The following RORA variants were observed in gnomAD, a reference collection of about 807,000 sequenced individuals.
RORA encodes RAR related orphan receptor A, also known as nuclear receptor ROR-alpha.
A neutral mutation model predicts 69.5 loss-of-function variants in RORA; 7 were observed. The observed-to-expected ratio is 0.10, with a 90% confidence interval of 0.06 to 0.19. The LOEUF is 0.19. Among genes scored for constraint, RORA ranks in the 10% least tolerant of loss-of-function variants. RORA has a pLI of 1.00. For missense variants in RORA, 457 were observed against 663.0 expected (o/e 0.69, Z 3.41); for synonymous variants, 261 against 240.8 (o/e 1.08, Z -0.78).
intron 1 of RORA, 90 bp from the exon 2 acceptor site, chr15:60,678,776 G>T: frequency 9.0e-7 from 1 of 1,107,660 alleles, no homozygotes; most frequent in Non-Finnish European, 1.4e-6. Context: ...TCAGGAAGGC[G>T]TTTAGTTCAG....
intron 1 of RORA, among the ~76,000 whole-genome samples, chr15:61,201,375 A>G (rs1158577085): frequency 6.6e-6 from 1 of 152,212 alleles, no homozygotes; most frequent in Non-Finnish European, 1.5e-5. Context: ...CAAACAAACC[A>G]CTAAGACATA....
At chr15:60,706,206 T>A (rs2071060685) in intron 1 of RORA, 1 of 152,120 alleles carries the variant, frequency 6.6e-6, no homozygotes, top group Non-Finnish European at 1.5e-5. Flanking sequence ...TTTTAGTAGG[T>A]TTGCCAGTGA....
intron 1 of RORA, among the ~76,000 whole-genome samples, chr15:60,709,266 C>T (rs2071110443): frequency 6.6e-6 from 1 of 152,160 alleles, no homozygotes; most frequent in Non-Finnish European, 1.5e-5. Context: ...CTACTATGTG[C>T]CTGGTATTAT....
intron 2 of RORA, among the ~76,000 whole-genome samples, chr15:60,611,605 G>C (rs1451024032): frequency 2.0e-5 from 2 of 101,770 alleles, no homozygotes; most frequent in East Asian, 6.1e-4. Context: ...AGTCTTCTTT[G>C]CACGAGGAGT....
At chr15:60,889,358 G>T (rs369278585) in intron 1 of RORA, among the ~76,000 whole-genome samples, 45 of 145,848 alleles carry the variant, frequency 3.1e-4, no homozygotes, top group African/African-American at 1.1e-3. Flanking sequence ...GGCGGGGGGG[G>T]GGGGAAGGAA....
intron 1 of RORA, among the ~76,000 whole-genome samples, chr15:61,096,007 A>C (rs2078784172): frequency 6.6e-6 from 1 of 152,216 alleles, no homozygotes; most frequent in Non-Finnish European, 1.5e-5. Context: ...TATGAATCAC[A>C]AGCCAAAGGG....
At chr15:61,085,771 T>C (rs2078615821) in intron 1 of RORA, among the ~76,000 whole-genome samples, 2 of 152,200 alleles carry the variant, frequency 1.3e-5, no homozygotes, top group Non-Finnish European at 2.9e-5. Context: ...AGTTTTGTTT[T>C]TCCATGCCCC....
intron 2 of RORA, among the ~76,000 whole-genome samples, chr15:60,557,238 A>G (rs975777589): frequency 6.6e-6 from 1 of 152,236 alleles, no homozygotes; most frequent in Admixed American, 6.5e-5. Flanking sequence ...TTATCCCTCT[A>G]TAGTCATACC....
rs1275504405 is a variant in RORA, at chr15:61,131,286, T to A, written c.166+97767A>T. 6.6e-6 allele frequency among the ~76,000 whole-genome samples: 1 copy of A among 152,264 alleles called. No individual in the cohort carries two copies. Among genetic ancestry groups the A allele is most frequent in the Non-Finnish European group, 1.5e-5 (1 of 68,042 alleles). On this transcript the variant is annotated intron_variant, in intron 1 of 10. Transcript: ENST00000335670. The surrounding 1 kb of genome is among the most constrained non-coding windows in gnomAD (Gnocchi z 4.2). ...TGATTCAGCAAAATGCTTTCACTCT[T>A]TGTGTATTTATCTGTTAATAAATAA... is the stretch of plus-strand genomic sequence containing the variant.
At chr15:60,756,084 C>G (rs1327780287) in intron 1 of RORA, among the ~76,000 whole-genome samples, 1 of 152,140 alleles carries the variant, frequency 6.6e-6, no homozygotes, top group African/African-American at 2.4e-5. Flanking sequence ...GAGGGAAACC[C>G]AGGGTTTCAC....
At chr15:60,662,765 GA>G (rs2070323351) in intron 2 of RORA, among the ~76,000 whole-genome samples, 1 of 151,988 alleles carries the variant, frequency 6.6e-6, no homozygotes, top group Admixed American at 6.6e-5. Flanking sequence ...TTAAATAAAA[GA>G]AAACATGTTT....
intron 3 of RORA, among the ~76,000 whole-genome samples, chr15:60,519,539 TG>T (rs1361967514): frequency 6.6e-6 from 1 of 152,216 alleles, no homozygotes; most frequent in African/African-American, 2.4e-5. Flanking sequence ...TGTTCTCATA[TG>T]GGGCAACCAT....
intron 1 of RORA, among the ~76,000 whole-genome samples, chr15:60,833,098 G>C (rs1252365976): frequency 6.6e-6 from 1 of 151,696 alleles, no homozygotes; most frequent in Non-Finnish European, 1.5e-5. Context: ...TAGAGACAGG[G>C]TTTCACCGTG....
At chr15:60,725,639 G>A (rs1308000461) in intron 1 of RORA, among the ~76,000 whole-genome samples, 2 of 152,264 alleles carry the variant, frequency 1.3e-5, no homozygotes, top group Middle Eastern at 3.4e-3. Context: ...TCACCCTGCT[G>A]TGCTGTGAAA....
At chr15:60,642,184 C>A (rs2069956305) in intron 2 of RORA, among the ~76,000 whole-genome samples, 1 of 151,296 alleles carries the variant, frequency 6.6e-6, no homozygotes, top group African/African-American at 2.4e-5. Flanking sequence ...TTAAGAGGGA[C>A]ACGGTAAAGT....
At chr15:60,947,949 A>C (rs1055614711) in intron 1 of RORA, among the ~76,000 whole-genome samples, 16 of 152,144 alleles carry the variant, frequency 1.1e-4, no homozygotes, top group East Asian at 1.9e-4. Flanking sequence ...ACAGACAACA[A>C]CACCACCCCT....
At chr15:60,672,220 G>GGTA (rs1234888158) in intron 2 of RORA, among the ~76,000 whole-genome samples, 2 of 152,142 alleles carry the variant, frequency 1.3e-5, no homozygotes, top group Non-Finnish European at 2.9e-5. Flanking sequence ...AGCCTATGGA[G>GGTA]GTAGCATAGT....
At chr15:61,034,302 C>G (rs1314826717) in intron 1 of RORA, among the ~76,000 whole-genome samples, 1 of 152,120 alleles carries the variant, frequency 6.6e-6, no homozygotes, top group Non-Finnish European at 1.5e-5. Context: ...CTAGCATTTT[C>G]TTTTAAAAAT....
intron 1 of RORA, among the ~76,000 whole-genome samples, chr15:61,177,482 C>T (rs1394150251): frequency 6.6e-6 from 1 of 152,178 alleles, no homozygotes; most frequent in Non-Finnish European, 1.5e-5. Context: ...GATGTGGTTG[C>T]ACACATGTTT....
Sources: allele counts gnomAD v4.1 joint callset (sites outside exome capture counted in the v4.1 genomes callset), GRCh38; gene constraint gnomAD v4.1.1; non-coding constraint Gnocchi (gnomAD v3.1); transcripts MANE v1.5; gene names NCBI Gene and HGNC (gene_info 2026-07-23, HGNC 2026-07-21).